POU2F1: variants seen among roughly 807,000 people sequenced by gnomAD.
The protein encoded by POU2F1 is POU class 2 homeobox 1.
In POU2F1, 16 loss-of-function variants were observed where a neutral mutation model predicts 84.9. The ratio of observed to expected loss-of-function variants is 0.19; its 90% CI spans 0.13 to 0.29. POU2F1 has a LOEUF of 0.29. Among genes scored for constraint, POU2F1 ranks in the 10% least tolerant of loss-of-function variants. POU2F1 has a pLI of 1.00. For synonymous variants in POU2F1, 368 were observed against 368.3 expected, an observed-to-expected ratio of 1.00 and a Z score of 0.01; for missense variants, 738 against 942.6, an observed-to-expected ratio of 0.78 and a Z score of 2.84.
chr1:167,414,722 A>G (rs1650190306), intron 15 of POU2F1: 3 of 984,478 alleles, frequency 3.0e-6, no homozygotes, highest in Non-Finnish European at 3.6e-6. Flanking sequence ...ATTTCCTGCT[A>G]CAATAGATTC....
rs189016762 is a variant in POU2F1, at chr1:167,313,342, A to G, written c.62-19128A>G. On this transcript the variant is annotated intron_variant, in intron 1 of 15. Transcript: ENST00000367866. The stretch of plus-strand genomic sequence containing the variant: ...TGAACAAGAATAGTCCAAAATTAAT[A>G]GGAAATGCAAAGGAATTGAAATAGC... 1.2e-3 allele frequency among the ~76,000 whole-genome samples: 185 copies of G among 152,356 alleles called. 2 individuals carry two copies. The highest frequency in any genetic ancestry group is 1.9e-3 in the Admixed American group (29 of 15,310).
At chr1:167,235,831 A>G (rs923810920) in intron 1 of POU2F1, among the ~76,000 whole-genome samples, 1 of 152,224 alleles carries the variant, frequency 6.6e-6, no homozygotes, top group African/African-American at 2.4e-5. Flanking sequence ...GCAGGAACAG[A>G]AAACCAAAGA....
At chr1:167,266,447 TTAAG>T (rs1304961430) in intron 1 of POU2F1, among the ~76,000 whole-genome samples, 2 of 152,118 alleles carry the variant, frequency 1.3e-5, no homozygotes, top group Non-Finnish European at 2.9e-5. Context: ...TCATCGGTAA[TTAAG>T]TGTGTCATAA....
chr1:167,412,068 C>G lies in POU2F1; in HGVS notation c.1665C>G (p.Ala555=), dbSNP rs775147185. 46 of 1,614,112 alleles carry G rather than the reference C, an allele frequency of 2.8e-5. 3 individuals carry two copies. In the South Asian group the frequency reaches 4.4e-4, roughly 15 times the overall value. The change falls in exon 14 of 16, where the codon GCC becomes GCG. Residue 555 remains alanine (A), a synonymous_variant. Transcript: ENST00000367866. Reference sequence around the variant, plus strand: ...TGAGTCCCTCCCCTTCTGCCTCAGCCTCCACCTCCGAGGCATCCAGTGCCA... The same window carrying G: ...TGAGTCCCTCCCCTTCTGCCTCAGCGTCCACCTCCGAGGCATCCAGTGCCA... ...PSLSPSPSAS[A]STSEASSASE...
intron 1 of POU2F1, among the ~76,000 whole-genome samples, chr1:167,292,671 A>T (rs1437445841): frequency 4.6e-5 from 7 of 151,784 alleles, no homozygotes; most frequent in Admixed American, 4.6e-4. Context: ...TTTAAAAAAA[A>T]ACTACAAGAA....
At chr1:167,241,942 C>G (rs551052417) in intron 1 of POU2F1, among the ~76,000 whole-genome samples, 5 of 152,180 alleles carry the variant, frequency 3.3e-5, no homozygotes, top group African/African-American at 1.2e-4. Context: ...TAATCACAAA[C>G]GCAGCTATGT....
At chr1:167,309,680 G>A (rs532710576) in intron 1 of POU2F1, among the ~76,000 whole-genome samples, 1 of 151,862 alleles carries the variant, frequency 6.6e-6, no homozygotes, top group South Asian at 2.1e-4. Flanking sequence ...TTTTAATTTG[G>A]AACCCTATTA....
chr1:167,241,598 T>C (rs1013377457), intron 1 of POU2F1: 1 of 152,234 alleles, frequency 6.6e-6, no homozygotes, highest in Non-Finnish European at 1.5e-5. Flanking sequence ...TTCTGGGCAA[T>C]ATAAAATAAC....
chr1:167,259,925 C>T (rs1200491014), intron 1 of POU2F1, among the ~76,000 whole-genome samples: 1 of 151,880 alleles, frequency 6.6e-6, no homozygotes, highest in African/African-American at 2.4e-5. Flanking sequence ...GTCGCCCAGG[C>T]TGGAGTGCAG....
chr1:167,294,941 C>G (rs1654182336), intron 1 of POU2F1, among the ~76,000 whole-genome samples: 1 of 152,078 alleles, frequency 6.6e-6, no homozygotes, highest in Non-Finnish European at 1.5e-5. Context: ...TGAGACCAGC[C>G]TTGCCAACAT....
chr1:167,288,467 G>A (rs569990142), intron 1 of POU2F1, among the ~76,000 whole-genome samples: 25 of 152,244 alleles, frequency 1.6e-4, no homozygotes, highest in Non-Finnish European at 2.9e-4. Flanking sequence ...TGTTGGCCAG[G>A]TGTGTGAGCT....
chr1:167,230,178 G>A (rs1458255465), intron 1 of POU2F1, among the ~76,000 whole-genome samples: 1 of 152,084 alleles, frequency 6.6e-6, no homozygotes, highest in African/African-American at 2.4e-5. Context: ...TGACCTGAAT[G>A]TGTACCCAGT....
At chr1:167,344,219 A>G (rs1483394424) in intron 2 of POU2F1, among the ~76,000 whole-genome samples, 1 of 152,208 alleles carries the variant, frequency 6.6e-6, no homozygotes, top group African/African-American at 2.4e-5. Context: ...AGAAAGTTCT[A>G]TTGGACAGTG....
chr1:167,335,829 G>A (rs1047078515), intron 2 of POU2F1, among the ~76,000 whole-genome samples: 5 of 152,182 alleles, frequency 3.3e-5, no homozygotes, highest in Non-Finnish European at 7.3e-5. Context: ...TTGAGGGTCA[G>A]TCTCAAAGAA....
At chr1:167,389,531 T>C (rs1472720684) in intron 8 of POU2F1, 57 bp from the exon 9 acceptor site, 42 of 1,592,860 alleles carry the variant, frequency 2.6e-5, no homozygotes, top group Middle Eastern at 3.3e-4. Context: ...TTACTTGGAG[T>C]AAACCTAAAT....
chr1:167,409,075 C>T (rs537702523), intron 13 of POU2F1, among the ~76,000 whole-genome samples: 22 of 152,142 alleles, frequency 1.4e-4, no homozygotes, highest in Non-Finnish European at 3.1e-4. Flanking sequence ...ATGGATCATT[C>T]TCTTGGTGCT....
intron 2 of POU2F1, among the ~76,000 whole-genome samples, chr1:167,342,079 C>T (rs1657896802): frequency 6.6e-6 from 1 of 152,020 alleles, no homozygotes; most frequent in South Asian, 2.1e-4. Flanking sequence ...TATATGGAGC[C>T]ACGATAGTGG....
In POU2F1 at chr1:167,376,155, G is replaced by T. The variant is rs772761831; in HGVS notation, c.718G>T (p.Gly240Cys). The change falls in exon 7 of 16, where the codon GGT (glycine) becomes TGT (cysteine). Residue 240 changes from glycine to cysteine, a missense_variant and splice_region_variant. Around this residue, in one of 4 missense-constraint regions of POU2F1, gnomAD observed 163 missense variants for 214.4 expected, o/e 0.76. Transcript: ENST00000367866. ...IISQTPQGQQ[G>C]LLQAQNLLTQ... The stretch of plus-strand genomic sequence containing the variant: ...CTCACAGACGCCCCAGGGCCAGCAG[G>T]GTGAGCTCCTCCTTAGAGCTTATTA... The T allele has an allele frequency of 6.2e-7, 1 of 1,614,102 alleles. No individual in the cohort carries two copies. Among genetic ancestry groups the T allele is most frequent in the Non-Finnish European group, 8.5e-7 (1 of 1,180,012 alleles).
intron 1 of POU2F1, among the ~76,000 whole-genome samples, chr1:167,221,226 T>C (rs1224652413): frequency 1.3e-5 from 2 of 150,978 alleles, no homozygotes; most frequent in Non-Finnish European, 3.0e-5. Context: ...CCGCCGCCGC[T>C]CGCCGTCTGC....
Sources: gnomAD v4.1 joint callset for allele counts (sites outside exome capture counted in the v4.1 genomes callset) on GRCh38, gnomAD v4.1.1 for gene constraint, gnomAD v4.1.1 regional missense constraint, MANE v1.5 for transcripts, NCBI Gene and HGNC (gene_info 2026-07-23, HGNC 2026-07-21) for gene names.